ANK1: variants seen among roughly 807,000 people sequenced by gnomAD.
The protein encoded by ANK1 is ankyrin-1.
Under a neutral mutation model 210.4 loss-of-function variants are expected in ANK1, and 51 were observed. The ratio of observed to expected loss-of-function variants is 0.24; its 90% CI spans 0.19 to 0.31. The LOEUF (loss-of-function observed/expected upper bound fraction) is 0.31, where lower values mean the gene tolerates loss of function less well. Ranked by LOEUF, ANK1 falls within the 10% of genes least tolerant of loss-of-function variation. The pLI is 1.00. For synonymous variants in ANK1, 967 were observed against 1,025.9 expected (o/e 0.94, Z 1.10); for missense variants, 2,051 against 2,504.4 (o/e 0.82, Z 3.86).
Position 41,696,318 on chromosome 8 carries a change from T to C in ANK1, c.2960+45A>G, listed in dbSNP as rs769222196. Reference sequence around the variant, plus strand: ...ACAGATGGAAATGGCGTGGCCTCCGTGGCACAGGGACAGGGGAGAACACGG... The same window carrying C: ...ACAGATGGAAATGGCGTGGCCTCCGCGGCACAGGGACAGGGGAGAACACGG... On this transcript the variant is annotated intron_variant, in intron 26 of 42. Transcript: ENST00000289734. The C allele has an allele frequency of 4.4e-6, 7 of 1,601,870 alleles. No individual in the cohort carries two copies. In the African/African-American group the frequency reaches 9.4e-5, roughly 21 times the overall value.
At chr8:41,740,779 A>T (rs528725687) in intron 2 of ANK1, among the ~76,000 whole-genome samples, 1 of 152,308 alleles carries the variant, frequency 6.6e-6, no homozygotes, top group Admixed American at 6.5e-5. Context: ...GGGCTGACAC[A>T]CAGGTCTTTG....
At chr8:41,861,407 C>G (rs1813250045) in intron 1 of ANK1, among the ~76,000 whole-genome samples, 1 of 152,194 alleles carries the variant, frequency 6.6e-6, no homozygotes, top group Admixed American at 6.5e-5. Context: ...AACATTTGCA[C>G]TAATAAAGGC....
At chr8:41,894,044 T>C (rs901130963) in intron 1 of ANK1, among the ~76,000 whole-genome samples, 1 of 152,094 alleles carries the variant, frequency 6.6e-6, no homozygotes, top group Non-Finnish European at 1.5e-5. Flanking sequence ...AATTTTGCTA[T>C]AAATTTTAAC....
chr8:41,801,785 G>A (rs1168222035), upstream of ANK1, among the ~76,000 whole-genome samples: 1 of 152,128 alleles, frequency 6.6e-6, no homozygotes, highest in Non-Finnish European at 1.5e-5. Context: ...TATGTGCATT[G>A]AAAATATCTC....
At chr8:41,702,944 C>T (rs370041107) in intron 20 of ANK1, among the ~76,000 whole-genome samples, 2 of 151,896 alleles carry the variant, frequency 1.3e-5, no homozygotes, top group Admixed American at 6.5e-5. Context: ...CTCAGCCTCC[C>T]GAGTAGCTGG....
chr8:41,763,342 C>T (rs577264181), intron 1 of ANK1, among the ~76,000 whole-genome samples: 14 of 152,154 alleles, frequency 9.2e-5, no homozygotes, highest in African/African-American at 3.4e-4. Flanking sequence ...AATTATAATA[C>T]CAACCATTGG....
chr8:41,698,342 A>C (rs1821689933), intron 23 of ANK1, among the ~76,000 whole-genome samples: 1 of 152,178 alleles, frequency 6.6e-6, no homozygotes, highest in East Asian at 1.9e-4. Context: ...TGTTGACAGA[A>C]TCCTCGCTCT....
intron 1 of ANK1, among the ~76,000 whole-genome samples, chr8:41,773,528 C>G (rs1298894131): frequency 6.6e-6 from 1 of 152,184 alleles, no homozygotes; most frequent in Non-Finnish European, 1.5e-5. Flanking sequence ...TACAGGCCCA[C>G]TCTTTGGCAT....
chr8:41,656,621 G>A (rs565674170), intron 42 of ANK1, among the ~76,000 whole-genome samples: 17 of 152,310 alleles, frequency 1.1e-4, no homozygotes, highest in Admixed American at 3.9e-4. Flanking sequence ...TATCTGCAGG[G>A]GCCCTGGGAC....
intron 1 of ANK1, among the ~76,000 whole-genome samples, chr8:41,876,422 TG>T (rs1177370031): frequency 6.6e-6 from 1 of 152,170 alleles, no homozygotes; most frequent in African/African-American, 2.4e-5. Flanking sequence ...TCGTGCCCCC[TG>T]GGGGCTGGGG....
At chr8:41,869,509 G>A (rs181432817) in intron 1 of ANK1, among the ~76,000 whole-genome samples, 10 of 152,270 alleles carry the variant, frequency 6.6e-5, no homozygotes, top group Non-Finnish European at 1.5e-4. Context: ...GAGCCTGGGA[G>A]GCAGAGGCTG....
intron 6 of ANK1, among the ~76,000 whole-genome samples, chr8:41,725,143 C>G (rs995914105): frequency 2.0e-5 from 3 of 152,234 alleles, no homozygotes; most frequent in Non-Finnish European, 4.4e-5. Context: ...CATTCTGTTC[C>G]AGAGCCTGAA....
At chr8:41,854,137 C>CCTGCAGCGGGTCGCTG (rs1273251817) in intron 1 of ANK1, among the ~76,000 whole-genome samples, 1 of 152,256 alleles carries the variant, frequency 6.6e-6, no homozygotes, top group Non-Finnish European at 1.5e-5. Flanking sequence ...ATCACAACTT[C>CCTGCAGCGGGTCGCTG]CTGCAGCGGG....
At position 41,672,602 on chromosome 8, in the gene ANK1, G is replaced by T. The variant is rs1194884583; in HGVS notation, c.4848C>A (p.Gly1616=). ...TGTCGTCCTCCACAAGTTCCAGAGAGCCCAACTCGGGGCCCCGCGGTTCCT... is the reference window on the plus strand; with the variant it reads ...TGTCGTCCTCCACAAGTTCCAGAGATCCCAACTCGGGGCCCCGCGGTTCCT... ...LSEEPRGPEL[G]SLELVEDDTV... is the part of the protein sequence containing the mutation. The change falls in exon 38 of 43, where the codon GGC becomes GGA. Residue 1616 remains glycine, a synonymous_variant. Transcript: ENST00000289734. The T allele has an allele frequency of 5.0e-6, 8 of 1,614,112 alleles. No individual in the cohort carries two copies. The East Asian group carries it at 1.3e-4, about 27-fold the overall frequency.
intron 1 of ANK1, among the ~76,000 whole-genome samples, chr8:41,883,640 T>G (rs1817970840): frequency 6.6e-6 from 1 of 152,086 alleles, no homozygotes; most frequent in Admixed American, 6.6e-5. Flanking sequence ...TTAAATTTTT[T>G]GTAGAGATGG....
chr8:41,797,570 C>A lies in ANK1; in HGVS notation c.-32G>T, dbSNP rs1219268433. Reference sequence around the variant, plus strand: ...CTTTCAGCAGGGGCCCGCCGAAGGGCCTTGGGGGCTTGAGGAGGAGCAGCT... The same window carrying A: ...CTTTCAGCAGGGGCCCGCCGAAGGGACTTGGGGGCTTGAGGAGGAGCAGCT... On this transcript the variant is annotated 5_prime_UTR_variant, in exon 1 of 43. Transcript: ENST00000289734. The surrounding 1 kb of genome is among the most constrained non-coding windows in gnomAD (Gnocchi z 4.0). The A allele has an allele frequency of 8.7e-6, 14 of 1,612,706 alleles. No individual in the cohort carries two copies. Among genetic ancestry groups the A allele is most frequent in the Non-Finnish European group, 1.2e-5 (14 of 1,179,674 alleles).
rs60847205 is a variant in ANK1, at chr8:41,714,387, T to G, written c.1702-133A>C. 0.031 allele frequency: 21,001 copies of G among 672,376 alleles called. 2,832 individuals carry two copies. The African/African-American group carries it at 0.31, about 10-fold the overall frequency. The allele number at this position is 672,376 out of a possible 1,614,324, so 41.7% of individuals were successfully genotyped here. A position where few individuals can be genotyped will look rare whatever the true frequency, so the allele number is the denominator to read the frequency against. ...AAATCTTTCCCAGGCCAGTCTTAAC[T>G]TGGAGTCATGACAGAATGTCATCGG... On this transcript the variant is annotated intron_variant, in intron 15 of 42. Coordinates refer to ENST00000289734, the MANE Select transcript of ANK1 (RefSeq NM_000037.4).
chr8:41,887,990 G>T (rs1252427747), intron 1 of ANK1, among the ~76,000 whole-genome samples: 1 of 152,230 alleles, frequency 6.6e-6, no homozygotes, highest in Non-Finnish European at 1.5e-5. Flanking sequence ...CACCCTGTCA[G>T]CTTGGTCATG....
chr8:41,866,946 G>A (rs1366026829), intron 1 of ANK1, among the ~76,000 whole-genome samples: 1 of 152,224 alleles, frequency 6.6e-6, no homozygotes, highest in East Asian at 1.9e-4. Context: ...TTGGGTCCCT[G>A]CTTTCAATTC....
Sources: gnomAD v4.1 joint callset for allele counts (sites outside exome capture counted in the v4.1 genomes callset) on GRCh38, gnomAD v4.1.1 for gene constraint, Gnocchi (gnomAD v3.1) non-coding constraint, MANE v1.5 for transcripts, NCBI Gene and HGNC (gene_info 2026-07-23, HGNC 2026-07-21) for gene names.